The following LMNA variants were observed in gnomAD, a reference collection of about 807,000 sequenced individuals.
LMNA encodes the protein lamin.
Under a neutral mutation model 70.4 loss-of-function variants are expected in LMNA, and 20 were observed. The ratio of observed to expected loss-of-function variants is 0.28; its 90% confidence interval spans 0.20 to 0.41. The LOEUF is 0.41. Among genes scored for constraint, LMNA ranks in the 10% least tolerant of loss-of-function variants. The pLI, the probability that LMNA is intolerant of heterozygous loss-of-function variation, is 1.00. For missense variants in LMNA, 652 were observed against 917.2 expected, an observed-to-expected ratio of 0.71 and a Z score of 3.73; for synonymous variants, 339 against 372.8, an observed-to-expected ratio of 0.91 and a Z score of 1.04.
intron 3 of LMNA, among the ~76,000 whole-genome samples, chr1:156,097,210 C>A (rs149696658): frequency 6.6e-6 from 1 of 152,150 alleles, no homozygotes; most frequent in Non-Finnish European, 1.5e-5. Flanking sequence ...TCCATGACAA[C>A]GGTAGTGTTT....
At chr1:156,087,874 CTTTCT>C (rs1648539884) in intron 2 of LMNA, among the ~76,000 whole-genome samples, 2 of 150,704 alleles carry the variant, frequency 1.3e-5, no homozygotes, top group African/African-American at 4.9e-5. Flanking sequence ...TTTTTTCTTT[CTTTCT>C]TTTTTTTTTT....
chr1:156,117,465 C>A (rs1032009995), intron 1 of LMNA, among the ~76,000 whole-genome samples: 16 of 151,888 alleles, frequency 1.1e-4, no homozygotes, highest in Admixed American at 7.9e-4. Flanking sequence ...GAACTCCTGA[C>A]CTCAAGTGAT....
intron 1 of LMNA, chr1:156,126,371 C>T (rs955364889): frequency 2.1e-5 from 15 of 729,562 alleles, no homozygotes; most frequent in Non-Finnish European, 2.9e-5. Flanking sequence ...GGAGAGGAAA[C>T]GGAGGCCTCT....
intron 1 of LMNA, chr1:156,130,006 T>C: frequency 1.5e-6 from 1 of 658,838 alleles, no homozygotes; most frequent in East Asian, 2.7e-5. Flanking sequence ...GACTGGGTCC[T>C]GAGAAAGGAA....
chr1:156,090,233 G>A (rs1648646615), intron 2 of LMNA, among the ~76,000 whole-genome samples: 1 of 152,202 alleles, frequency 6.6e-6, no homozygotes, highest in Non-Finnish European at 1.5e-5. Context: ...ACTAGAAGTT[G>A]AATGAATGAA....
At position 156,139,418 on chromosome 1, in the gene LMNA, A is replaced by G. The variant is rs979669122; in HGVS notation, c.*312A>G. The G allele has an allele frequency of 5.9e-6, 8 of 1,357,584 alleles. No individual in the cohort carries two copies. The African/African-American group carries it at 8.9e-5, about 15-fold the overall frequency. The allele number at this position is 1,357,584 out of a possible 1,614,324, so 84.1% of individuals were successfully genotyped here. On this transcript the variant is annotated 3_prime_UTR_variant, in exon 12 of 12. Transcript: ENST00000368300. ...CTTAAAACCAAAGAGGGCTTCCTCTAGAAGCCAAGGGAAAGGGGTGCTTTT... is the reference window on the plus strand; with the variant it reads ...CTTAAAACCAAAGAGGGCTTCCTCTGGAAGCCAAGGGAAAGGGGTGCTTTT...
In LMNA at chr1:156,137,039, G is replaced by C. The variant is rs766389590; in HGVS notation, c.1488+11G>C. The C allele has an allele frequency of 6.2e-7, 1 of 1,614,166 alleles. No individual in the cohort carries two copies. Among genetic ancestry groups the C allele is most frequent in the Non-Finnish European group, 8.5e-7 (1 of 1,180,010 alleles). On this transcript the variant is annotated intron_variant, in intron 8 of 11. Transcript: ENST00000368300. This position sits in a 1 kb window ranked among gnomAD's most constrained non-coding sequence, Gnocchi z 4.6. ...GGGCAGGTGGTGACGGTGAGTGGCA[G>C]GGCGCTTGGGACTCTGGGGAGGCCT...
Position 156,103,012 on chromosome 1 carries a change from C to T in LMNA, c.-206-11701C>T, listed in dbSNP as rs765451612. Reference sequence around the variant, plus strand: ...TGCAGAGGCACTGAGAAGTCCATCCCGTGGTGCAGCTTCCGTCTCTCCCCT... The same window carrying T: ...TGCAGAGGCACTGAGAAGTCCATCCTGTGGTGCAGCTTCCGTCTCTCCCCT... On this transcript the variant is annotated intron_variant, in intron 3 of 12. Coordinates refer to the LMNA transcript ENST00000368301. The surrounding 1 kb of genome is among the most constrained non-coding windows in gnomAD (Gnocchi z 4.7). Among the ~76,000 whole-genome samples, 26 of 152,176 alleles carry T rather than the reference C, an allele frequency of 1.7e-4. No homozygotes were observed. The highest frequency in any genetic ancestry group is 3.1e-4 in the Non-Finnish European group (21 of 68,036).
Position 156,115,068 on chromosome 1 carries a change from C to A in LMNA, c.150C>A (p.Arg50=). 1 of 1,594,310 alleles carries A rather than the reference C, an allele frequency of 6.3e-7. No homozygotes were observed. Among genetic ancestry groups the A allele is most frequent in the East Asian group, 2.3e-5 (1 of 43,904 alleles). ...DRLAVYIDRV[R]SLETENAGLR... is the part of the protein sequence containing the mutation. ...TGGCGGTCTACATCGACCGTGTGCG[C>A]TCGCTGGAAACGGAGAACGCAGGGC... Residue 50 remains arginine (R), a synonymous_variant, in exon 1 of 12, where the codon CGC becomes CGA. Coordinates refer to ENST00000368300, the MANE Select transcript of LMNA (RefSeq NM_170707.4). The surrounding 1 kb of genome is among the most constrained non-coding windows in gnomAD (Gnocchi z 5.8).
At chr1:156,120,647 A>G (rs1273679182) in intron 1 of LMNA, among the ~76,000 whole-genome samples, 1 of 152,140 alleles carries the variant, frequency 6.6e-6, no homozygotes, top group Non-Finnish European at 1.5e-5. Flanking sequence ...CAGGAGTTTG[A>G]GGCTATTGTG....
chr1:156,139,751 T>C lies in LMNA; in HGVS notation c.*645T>C. The C allele has an allele frequency of 6.6e-7, 1 of 1,525,810 alleles. No homozygotes were observed. Among genetic ancestry groups the C allele is most frequent in the Non-Finnish European group, 8.8e-7 (1 of 1,142,028 alleles). The allele number at this position is 1,525,810 out of a possible 1,614,324, so 94.5% of individuals were successfully genotyped here. Reference sequence around the variant, plus strand: ...TCTCCCAGGTACCAGCTGCGCTTGCTTTTCTGTATTTTATTTAGACAAGAG... The same window carrying C: ...TCTCCCAGGTACCAGCTGCGCTTGCCTTTCTGTATTTTATTTAGACAAGAG... On this transcript the variant is annotated 3_prime_UTR_variant, in exon 12 of 12. Coordinates refer to ENST00000368300, the MANE Select transcript of LMNA (RefSeq NM_170707.4).
chr1:156,096,584 C>A (rs1452024000), intron 3 of LMNA, among the ~76,000 whole-genome samples: 2 of 152,390 alleles, frequency 1.3e-5, no homozygotes, highest in African/African-American at 4.8e-5. Context: ...CGTTTGGAGG[C>A]ACTCATCACA....
At chr1:156,111,279 T>C (rs1249349739), upstream of LMNA, among the ~76,000 whole-genome samples, 4 of 151,806 alleles carry the variant, frequency 2.6e-5, no homozygotes, top group Admixed American at 2.6e-4. Flanking sequence ...TGAAACCTCA[T>C]CTCTACTCAA....
chr1:156,121,046 C>CT (rs57371677), intron 1 of LMNA, among the ~76,000 whole-genome samples: 3,294 of 100,402 alleles, frequency 0.033, 238 homozygotes, highest in African/African-American at 0.081. Flanking sequence ...CAAATCCATT[C>CT]TTTTTTTTTT....
Position 156,134,650 on chromosome 1 carries a change from G to C in LMNA, c.639+122G>C. 1 of 1,544,718 alleles carries C rather than the reference G, an allele frequency of 6.5e-7. No homozygotes were observed. The highest frequency in any genetic ancestry group is 1.4e-5 in the African/African-American group (1 of 73,624). ...CTGAGTCCCTTGCCCTAGTGGACAGGGAGTTGGGGGTGGCCAGCACTCAGC... is the reference window on the plus strand; with the variant it reads ...CTGAGTCCCTTGCCCTAGTGGACAGCGAGTTGGGGGTGGCCAGCACTCAGC... On this transcript the variant is annotated intron_variant, in intron 3 of 11. Transcript: ENST00000368300. This position sits in a 1 kb window ranked among gnomAD's most constrained non-coding sequence, Gnocchi z 5.3.
At chr1:156,133,899 C>A (rs1363516267) in intron 2 of LMNA, among the ~76,000 whole-genome samples, 1 of 152,190 alleles carries the variant, frequency 6.6e-6, no homozygotes, top group African/African-American at 2.4e-5. Context: ...CAGAGCCCCC[C>A]AAAAGTACCC....
chr1:156,117,969 A>ATTTTTTTTTTTTTT (rs1186679791), intron 1 of LMNA, among the ~76,000 whole-genome samples: 9 of 91,906 alleles, frequency 9.8e-5, no homozygotes, highest in Admixed American at 1.4e-4. Flanking sequence ...CGCTTGGCTA[A>ATTTTTTTTTTTTTT]TTTTTTTTTT....
chr1:156,119,897 G>C (rs1266360299), intron 1 of LMNA, among the ~76,000 whole-genome samples: 1 of 152,192 alleles, frequency 6.6e-6, no homozygotes, highest in African/African-American at 2.4e-5. Context: ...CCCTCTGGTG[G>C]TGTCTGGACA....
At chr1:156,130,005 C>T (rs1650904830) in intron 1 of LMNA, 1 of 659,300 alleles carries the variant, frequency 1.5e-6, no homozygotes, top group South Asian at 1.7e-5. Context: ...AGACTGGGTC[C>T]TGAGAAAGGA....
Sources: allele counts gnomAD v4.1 joint callset (sites outside exome capture counted in the v4.1 genomes callset), GRCh38; gene constraint gnomAD v4.1.1; non-coding constraint Gnocchi (gnomAD v3.1); transcripts MANE v1.5; gene names NCBI Gene and HGNC (gene_info 2026-07-23, HGNC 2026-07-21).